SLC24A3: variants seen among roughly 807,000 people sequenced by gnomAD.
The protein encoded by SLC24A3 is sodium/potassium/calcium exchanger 3.
SLC24A3 carries 28 observed loss-of-function variants against 75.8 expected under a neutral mutation model. The ratio of observed to expected loss-of-function variants is 0.37; its 90% CI spans 0.27 to 0.51. The LOEUF is 0.51. Ranked by LOEUF, SLC24A3 falls within the 20% of genes least tolerant of loss-of-function variation. The probability of loss-of-function intolerance (pLI) is 0.94; values close to 1 mark genes in which losing one functional copy is unlikely to be tolerated. For missense variants in SLC24A3, 663 were observed against 847.8 expected (o/e 0.78, Z 2.71); for synonymous variants, 372 against 334.1 (o/e 1.11, Z -1.24).
intron 2 of SLC24A3, among the ~76,000 whole-genome samples, chr20:19,357,715 C>T (rs550625434): frequency 3.9e-5 from 6 of 152,092 alleles, no homozygotes; most frequent in South Asian, 2.1e-4. Context: ...TGTTATTGTC[C>T]GCTAAGTATC....
At chr20:19,713,310 G>C (rs1008609186) in intron 15 of SLC24A3, among the ~76,000 whole-genome samples, 3 of 152,188 alleles carry the variant, frequency 2.0e-5, no homozygotes, top group Non-Finnish European at 2.9e-5. Context: ...TTCCATAGCA[G>C]CATGCTGGGT....
At chr20:19,708,076 G>A (rs2032949036) in intron 15 of SLC24A3, among the ~76,000 whole-genome samples, 1 of 152,044 alleles carries the variant, frequency 6.6e-6, no homozygotes, top group Non-Finnish European at 1.5e-5. Flanking sequence ...CCAGGGACAG[G>A]GAGAATCAGA....
chr20:19,382,336 G>A (rs1045386404), intron 2 of SLC24A3, among the ~76,000 whole-genome samples: 4 of 152,244 alleles, frequency 2.6e-5, no homozygotes, highest in African/African-American at 9.6e-5. Flanking sequence ...TACTGTTGAT[G>A]ATGATGATCT....
At chr20:19,625,071 T>C (rs1173296091) in intron 6 of SLC24A3, among the ~76,000 whole-genome samples, 1 of 152,164 alleles carries the variant, frequency 6.6e-6, no homozygotes, top group African/African-American at 2.4e-5. Flanking sequence ...CACAGTGTAG[T>C]GGAGAAGTTC....
chr20:19,492,013 G>A (rs533376685), intron 2 of SLC24A3, among the ~76,000 whole-genome samples: 13 of 152,258 alleles, frequency 8.5e-5, no homozygotes, highest in African/African-American at 2.9e-4. Context: ...GAAGGTGCAT[G>A]TGCTGGCTGT....
In SLC24A3 at chr20:19,433,780, C is replaced by T. The variant is rs562620379; in HGVS notation, c.272-81708C>T. Among the ~76,000 whole-genome samples, 41 of 152,306 alleles carry T rather than the reference C, an allele frequency of 2.7e-4. No individual in the cohort carries two copies. The South Asian group carries it at 7.0e-3, about 26-fold the overall frequency. On this transcript the variant is annotated intron_variant, in intron 2 of 16. Transcript: ENST00000328041. ...GCCAAGGGGAAGTAGGACTGATTAC[C>T]GTCTCATCTTAATGTCTCTCTAGGC...
chr20:19,360,526 A>C (rs772956634), intron 2 of SLC24A3, among the ~76,000 whole-genome samples: 17 of 152,256 alleles, frequency 1.1e-4, no homozygotes, highest in Non-Finnish European at 2.1e-4. Context: ...CCAACTTCTC[A>C]ACATGAAAAT....
In SLC24A3 at chr20:19,345,957, A is replaced by G. The variant is rs1257930384; in HGVS notation, c.271+64870A>G. On this transcript the variant is annotated intron_variant, in intron 2 of 16. Transcript: ENST00000328041. ...ACTAGGTATCTACCCAGAGGAAGTC[A>G]TTATACAAAAAAGATAGTTGTACAT... is the stretch of plus-strand genomic sequence containing the variant. Among the ~76,000 whole-genome samples, 4 of 151,154 alleles carry G rather than the reference A, an allele frequency of 2.6e-5. No homozygotes were observed. In the East Asian group the frequency reaches 7.8e-4, roughly 29 times the overall value.
At chr20:19,268,541 A>G (rs1300724094) in intron 1 of SLC24A3, among the ~76,000 whole-genome samples, 1 of 152,220 alleles carries the variant, frequency 6.6e-6, no homozygotes, top group Non-Finnish European at 1.5e-5. Flanking sequence ...AGATGTGGTA[A>G]TCGGGCTAAA....
At chr20:19,390,918 G>A (rs1410079063) in intron 2 of SLC24A3, among the ~76,000 whole-genome samples, 1 of 152,172 alleles carries the variant, frequency 6.6e-6, no homozygotes, top group Non-Finnish European at 1.5e-5. Context: ...GGCTGCAGGG[G>A]CTTGCCTGGA....
At chr20:19,575,672 T>A (rs1311870838) in intron 3 of SLC24A3, among the ~76,000 whole-genome samples, 1 of 152,358 alleles carries the variant, frequency 6.6e-6, no homozygotes, top group East Asian at 1.9e-4. Flanking sequence ...AGCCATGGGC[T>A]TGGATTCCAG....
intron 15 of SLC24A3, among the ~76,000 whole-genome samples, chr20:19,713,081 G>A (rs2122169798): frequency 6.6e-6 from 1 of 152,288 alleles, no homozygotes; most frequent in Non-Finnish European, 1.5e-5. Flanking sequence ...GTACAATTTT[G>A]TGGTGGGAAT....
intron 3 of SLC24A3, among the ~76,000 whole-genome samples, chr20:19,563,916 G>T (rs1372899778): frequency 1.3e-5 from 2 of 152,140 alleles, no homozygotes; most frequent in East Asian, 3.8e-4. Flanking sequence ...GAACCTTTAG[G>T]CAAGAAGTAG....
chr20:19,547,505 C>G (rs1600275590), intron 3 of SLC24A3, among the ~76,000 whole-genome samples: 1 of 152,158 alleles, frequency 6.6e-6, no homozygotes, highest in Non-Finnish European at 1.5e-5. Context: ...AAGTGTACAC[C>G]TACAATGGGT....
At chr20:19,569,394 G>T (rs2031013459) in intron 3 of SLC24A3, among the ~76,000 whole-genome samples, 2 of 152,180 alleles carry the variant, frequency 1.3e-5, no homozygotes, top group African/African-American at 4.8e-5. Context: ...TTAAGGACTT[G>T]TTCATGTCCC....
intron 2 of SLC24A3, among the ~76,000 whole-genome samples, chr20:19,283,801 C>T (rs1983729822): frequency 6.6e-6 from 1 of 152,160 alleles, no homozygotes; most frequent in Non-Finnish European, 1.5e-5. Context: ...AGCTTAGTGC[C>T]CTGGGTTTGA....
At chr20:19,582,270 A>G (rs373937589) in intron 4 of SLC24A3, among the ~76,000 whole-genome samples, 1 of 152,164 alleles carries the variant, frequency 6.6e-6, no homozygotes, top group Non-Finnish European at 1.5e-5. Flanking sequence ...TGCTTTCCTT[A>G]ATCACCTTTT....
At chr20:19,322,237 T>G (rs1984724543) in intron 2 of SLC24A3, among the ~76,000 whole-genome samples, 1 of 152,158 alleles carries the variant, frequency 6.6e-6, no homozygotes, top group South Asian at 2.1e-4. Context: ...TATAGCAGGG[T>G]GTGCAAAATG....
intron 1 of SLC24A3, among the ~76,000 whole-genome samples, chr20:19,226,837 T>C (rs1981883287): frequency 6.6e-6 from 1 of 152,226 alleles, no homozygotes; most frequent in African/African-American, 2.4e-5. Flanking sequence ...CCTGTGGTCT[T>C]AACTATTACA....
Sources: allele counts gnomAD v4.1 joint callset (sites outside exome capture counted in the v4.1 genomes callset), GRCh38; gene constraint gnomAD v4.1.1; transcripts MANE v1.5; gene names NCBI Gene and HGNC (gene_info 2026-07-23, HGNC 2026-07-21).